THAP9: variants seen among roughly 807,000 people sequenced by gnomAD.
THAP9 encodes DNA transposase THAP9.
A neutral mutation model predicts 35.7 loss-of-function variants in THAP9; 20 were observed. That is an observed-to-expected ratio of 0.56 (90% CI 0.39 to 0.81). The LOEUF (loss-of-function observed/expected upper bound fraction) is 0.81, where lower values mean the gene tolerates loss of function less well. Ranked by LOEUF, THAP9 falls within the 40% of genes least tolerant of loss-of-function variation. The pLI, the probability that THAP9 is intolerant of heterozygous loss-of-function variation, is 0.00. For synonymous variants in THAP9, 335 were observed against 373.7 expected (o/e 0.90, Z 1.19); for missense variants, 870 against 1,047.4 (o/e 0.83, Z 2.34).
Position 82,904,948 on chromosome 4 carries a change from G to GT in THAP9, c.276+18dup, listed in dbSNP as rs1483492256. On this transcript the variant is annotated intron_variant, in intron 2 of 4. Transcript: ENST00000302236. The stretch of plus-strand genomic sequence containing the variant: ...CTATACAAGGTATTTAAATGTAGGT[G>GT]TAAGTCAACAAAATGAAAATTTACA... The GT allele has an allele frequency of 6.2e-7, 1 of 1,605,054 alleles. No homozygotes were observed. Among genetic ancestry groups the GT allele is most frequent in the Non-Finnish European group, 8.5e-7 (1 of 1,175,710 alleles).
In THAP9 at chr4:82,919,122, A is replaced by G; in HGVS notation, c.*198A>G. On this transcript the variant is annotated 3_prime_UTR_variant, in exon 5 of 5. Coordinates refer to ENST00000302236, the MANE Select transcript of THAP9 (RefSeq NM_024672.6). ...GGCTTGCAGCATTTATGAGTTTTCC[A>G]AAATATAGAAAGCAGTAGGTCAGTA... 2.1e-6 allele frequency: 1 copy of G among 467,850 alleles called. No homozygotes were observed. The highest frequency in any genetic ancestry group is 3.7e-6 in the Non-Finnish European group (1 of 269,866). 29.0% of individuals were successfully genotyped at this position (467,850 alleles called of 1,614,324 possible).
At chr4:82,904,982 A>G (rs764375480) in intron 2 of THAP9, 51 bp downstream of exon 2, 2 of 1,565,166 alleles carry the variant, frequency 1.3e-6, no homozygotes, top group Non-Finnish European at 1.7e-6. Context: ...CAGAGCCTTT[A>G]AAAATCAAGA....
At chr4:82,908,644 G>A (rs1048887259) in intron 4 of THAP9, among the ~76,000 whole-genome samples, 6 of 152,176 alleles carry the variant, frequency 3.9e-5, no homozygotes, top group Admixed American at 3.9e-4. Context: ...GCTGCATGCA[G>A]CACAGCGGCA....
chr4:82,912,668 TTG>T (rs1397262691), intron 4 of THAP9, among the ~76,000 whole-genome samples: 1 of 152,210 alleles, frequency 6.6e-6, no homozygotes, highest in Non-Finnish European at 1.5e-5. Context: ...AATCCTAAAT[TTG>T]TCTTTAATTT....
intron 1 of THAP9, among the ~76,000 whole-genome samples, chr4:82,904,364 G>A (rs1720556614): frequency 6.6e-6 from 1 of 152,122 alleles, no homozygotes; most frequent in Non-Finnish European, 1.5e-5. Context: ...ACCCAGCCAG[G>A]CTTCACTTCT....
chr4:82,903,896 C>T (rs1720528263), intron 1 of THAP9, among the ~76,000 whole-genome samples: 1 of 152,130 alleles, frequency 6.6e-6, no homozygotes, highest in Non-Finnish European at 1.5e-5. Flanking sequence ...TGCCAGATAC[C>T]TTACCACAGA....
Position 82,918,258 on chromosome 4 carries a change from TACAAAG to T in THAP9, c.2049_2054del (p.Lys684_Thr685del). On this transcript the variant is annotated inframe_deletion, in exon 5 of 5. Coordinates refer to ENST00000302236, the MANE Select transcript of THAP9 (RefSeq NM_024672.6). ...TTCAACGTCAGTATGGTGTCAGCGTTACAAAGACTGTCTTTCACGAAGAGGGTATTT... is the reference window on the plus strand; with the variant it reads ...TTCAACGTCAGTATGGTGTCAGCGTTACTGTCTTTCACGAAGAGGGTATTT... 6.2e-7 allele frequency: 1 copy of T among 1,614,216 alleles called. No individual in the cohort carries two copies. Among genetic ancestry groups the T allele is most frequent in the Non-Finnish European group, 8.5e-7 (1 of 1,180,006 alleles).
chr4:82,904,910 G>A lies in THAP9; in HGVS notation c.255G>A (p.Val85=). 6.2e-7 allele frequency: 1 copy of A among 1,613,980 alleles called. No homozygotes were observed. Among genetic ancestry groups the A allele is most frequent in the Non-Finnish European group, 8.5e-7 (1 of 1,179,972 alleles). The change falls in exon 2 of 5, where the codon GTG becomes GTA. Residue 85 remains valine (V), a synonymous_variant. Transcript: ENST00000302236. The part of the protein sequence containing the change: ...GIRRKLKKGA[V]PSVSLYKIPQ... ...GAAGAAAGCTGAAAAAAGGAGCTGT[G>A]CCTTCTGTTTCTCTATACAAGGTAT...
intron 4 of THAP9, 116 bp downstream of exon 4, chr4:82,908,051 CT>C: frequency 9.0e-7 from 1 of 1,111,776 alleles, no homozygotes; most frequent in South Asian, 1.6e-5. Context: ...TTGCATTTTA[CT>C]TATTAAGGCT....
intron 4 of THAP9, among the ~76,000 whole-genome samples, chr4:82,909,127 G>A (rs1385578194): frequency 1.3e-5 from 2 of 148,798 alleles, no homozygotes; most frequent in East Asian, 2.0e-4. Context: ...GGCTAATCTC[G>A]AACTCCTGAT....
intron 1 of THAP9, among the ~76,000 whole-genome samples, chr4:82,903,226 T>G (rs1560691536): frequency 6.6e-6 from 1 of 152,212 alleles, no homozygotes; most frequent in African/African-American, 2.4e-5. Context: ...CACAAGTTTC[T>G]TTTTCTTTTC....
chr4:82,916,828 A>C (rs1299003877), intron 4 of THAP9, 116 bp from the exon 5 acceptor site: 1 of 785,514 alleles, frequency 1.3e-6, no homozygotes, highest in African/African-American at 1.8e-5. Context: ...TTGGCTGCTT[A>C]TATACTTGGC....
At chr4:82,916,746 ACTT>A (rs757721636) in intron 4 of THAP9, among the ~76,000 whole-genome samples, 195 bp from the exon 5 acceptor site, 3 of 152,194 alleles carry the variant, frequency 2.0e-5, no homozygotes, top group Non-Finnish European at 4.4e-5. Context: ...TTAAAATACT[ACTT>A]TGTGTTTCTA....
intron 4 of THAP9, 79 bp from the exon 5 acceptor site, chr4:82,916,865 C>G: frequency 3.8e-6 from 5 of 1,329,034 alleles, no homozygotes; most frequent in Non-Finnish European, 5.0e-6. Context: ...TGGGAGACTA[C>G]TTTAATAGTG....
intron 2 of THAP9, 90 bp downstream of exon 2, chr4:82,905,021 A>C: frequency 2.3e-6 from 3 of 1,285,324 alleles, no homozygotes; most frequent in Non-Finnish European, 3.2e-6. Flanking sequence ...GAATTTGCAG[A>C]CAAAAAAACC....
rs541514979 is a variant in THAP9, at chr4:82,912,899, G to A, written c.732-4045G>A. Reference sequence around the variant, plus strand: ...GTACACATTTAAAATGTTGCTGTAGGTTGATACTTAAGGGCGTGTAAAAAT... The same window carrying A: ...GTACACATTTAAAATGTTGCTGTAGATTGATACTTAAGGGCGTGTAAAAAT... On this transcript the variant is annotated intron_variant, in intron 4 of 4. Transcript: ENST00000302236. Among the ~76,000 whole-genome samples the A allele has an allele frequency of 3.3e-5, 5 of 152,272 alleles. No homozygotes were observed. The South Asian group carries it at 1.0e-3, about 32-fold the overall frequency.
At chr4:82,901,089 A>G (rs1406794529) in intron 1 of THAP9, 1 of 721,084 alleles carries the variant, frequency 1.4e-6, no homozygotes, top group African/African-American at 1.7e-5. Context: ...TTACCTCTGA[A>G]TAGCCGGTTC....
At chr4:82,913,846 C>T (rs1390631107) in intron 4 of THAP9, among the ~76,000 whole-genome samples, 2 of 152,124 alleles carry the variant, frequency 1.3e-5, no homozygotes, top group East Asian at 1.9e-4. Context: ...AAGTGATTCT[C>T]CTGCCTCAGC....
rs1407688059 is a variant in THAP9, at chr4:82,919,333, C to CTTTTTTTTTTT, written c.*411_*412insTTTTTTTTTTT. Reference sequence around the variant, plus strand: ...TCTGAAAGATCTTTGGTTTATGATTCTTAAGAATATTGACAATACCTATAA... The same window carrying CTTTTTTTTTTT: ...TCTGAAAGATCTTTGGTTTATGATTCTTTTTTTTTTTTTAAGAATATTGACAATACCTATAA... On this transcript the variant is annotated 3_prime_UTR_variant, in exon 5 of 5. Coordinates refer to ENST00000302236, the MANE Select transcript of THAP9 (RefSeq NM_024672.6). The CTTTTTTTTTTT allele has an allele frequency of 6.5e-6, 1 of 153,790 alleles. No individual in the cohort carries two copies. The highest frequency in any genetic ancestry group is 2.4e-5 in the African/African-American group (1 of 41,456). The allele number at this position is 153,790 out of a possible 1,614,324, so 9.5% of individuals were successfully genotyped here.
Sources: gnomAD v4.1 joint callset for allele counts (sites outside exome capture counted in the v4.1 genomes callset) on GRCh38, gnomAD v4.1.1 for gene constraint, MANE v1.5 for transcripts, NCBI Gene and HGNC (gene_info 2026-07-23, HGNC 2026-07-21) for gene names.